Variants in FAM20B observed in about 807,000 individuals in gnomAD.
FAM20B encodes the protein glycosaminoglycan xylosylkinase.
In FAM20B, 23 loss-of-function variants were observed where a neutral mutation model predicts 43.8. The observed-to-expected ratio is 0.53, with a 90% CI of 0.38 to 0.74. FAM20B has a LOEUF of 0.74. Among genes scored for constraint, FAM20B ranks in the 30% least tolerant of loss-of-function variants. The pLI, the probability that FAM20B is intolerant of heterozygous loss-of-function variation, is 0.00. For missense variants in FAM20B, 440 were observed against 510.5 expected, an observed-to-expected ratio of 0.86 and a Z score of 1.33; for synonymous variants, 178 against 192.4, an observed-to-expected ratio of 0.93 and a Z score of 0.62.
At position 179,073,910 on chromosome 1, in the gene FAM20B, A is replaced by T. The variant is rs1652036300; in HGVS notation, c.*1766A>T. The T allele has an allele frequency of 6.6e-6, 1 of 152,220 alleles. No homozygotes were observed. The highest frequency in any genetic ancestry group is 1.5e-5 in the Non-Finnish European group (1 of 68,044). 9.4% of individuals were successfully genotyped at this position (152,220 alleles called of 1,614,324 possible). On this transcript the variant is annotated 3_prime_UTR_variant, in exon 8 of 8. Transcript: ENST00000263733. ...TGTGCCCACTCATCTATGGACTCAGAGCTGTGTGCTTTGCTCCTGCATCTT... is the reference window on the plus strand; with the variant it reads ...TGTGCCCACTCATCTATGGACTCAGTGCTGTGTGCTTTGCTCCTGCATCTT...
intron 3 of FAM20B, among the ~76,000 whole-genome samples, chr1:179,052,953 G>A (rs1651066453): frequency 6.6e-6 from 1 of 152,202 alleles, no homozygotes. Flanking sequence ...TATATGTAAA[G>A]TGATATTTCA....
chr1:179,051,382 T>C (rs1437510345), intron 3 of FAM20B, among the ~76,000 whole-genome samples: 1 of 151,828 alleles, frequency 6.6e-6, no homozygotes, highest in East Asian at 2.0e-4. Context: ...CCCAACACTT[T>C]AGGAGGCTGA....
At chr1:179,050,777 T>G in intron 3 of FAM20B, among the ~76,000 whole-genome samples, 1 of 152,124 alleles carries the variant, frequency 6.6e-6, no homozygotes, top group East Asian at 1.9e-4. Context: ...GAAATATGAG[T>G]TTTATTATTC....
chr1:179,023,997 G>A (rs940090686), upstream of FAM20B, among the ~76,000 whole-genome samples: 4 of 152,280 alleles, frequency 2.6e-5, no homozygotes, highest in Middle Eastern at 6.8e-3. Flanking sequence ...GCACGGTGCT[G>A]GTGCTATGCA....
At chr1:179,028,854 A>T (rs1055357100) in intron 1 of FAM20B, among the ~76,000 whole-genome samples, 2 of 152,234 alleles carry the variant, frequency 1.3e-5, no homozygotes, top group African/African-American at 2.4e-5. Context: ...AAGGGGAAAT[A>T]TTCTAATGTA....
intron 6 of FAM20B, 54 bp downstream of exon 6, chr1:179,064,550 G>A (rs1368810546): frequency 1.5e-5 from 21 of 1,426,578 alleles, no homozygotes; most frequent in Non-Finnish European, 1.9e-5. Flanking sequence ...TATGAAAGAA[G>A]GGCATTTTCC....
chr1:179,029,599 GGT>G (rs773628389), intron 1 of FAM20B, among the ~76,000 whole-genome samples: 4 of 152,198 alleles, frequency 2.6e-5, no homozygotes, highest in African/African-American at 4.8e-5. Flanking sequence ...GTGTGTTTAA[GGT>G]CTGTACTTTC....
At chr1:179,037,479 C>T (rs376757904) in intron 1 of FAM20B, among the ~76,000 whole-genome samples, 32 of 88,342 alleles carry the variant, frequency 3.6e-4, no homozygotes, top group African/African-American at 5.7e-4. Context: ...GTATGTCGGT[C>T]TTTTTTTTTT....
chr1:179,060,956 A>T (rs1651436012), intron 4 of FAM20B, among the ~76,000 whole-genome samples: 1 of 152,124 alleles, frequency 6.6e-6, no homozygotes, highest in Non-Finnish European at 1.5e-5. Flanking sequence ...ATTTTCTGTT[A>T]ACTGTCTTTG....
intron 1 of FAM20B, among the ~76,000 whole-genome samples, chr1:179,040,979 GCCGGC>G: frequency 6.7e-6 from 1 of 149,548 alleles, no homozygotes; most frequent in Non-Finnish European, 1.5e-5. Context: ...CCCAGACGGG[GCCGGC>G]GGGCAGAGGC....
rs188705097 is a variant in FAM20B at position 179,048,507 on chromosome 1, G to A, written c.378-1772G>A. 5.2e-3 allele frequency among the ~76,000 whole-genome samples: 793 copies of A among 152,240 alleles called. 8 individuals carry two copies. The highest frequency in any genetic ancestry group is 0.018 in the African/African-American group (749 of 41,520). ...AAAGCTCTCTAATGTTTCACTGAAAGGACCATACTGCACTTCACCACATAC... is the reference window on the plus strand; with the variant it reads ...AAAGCTCTCTAATGTTTCACTGAAAAGACCATACTGCACTTCACCACATAC... On this transcript the variant is annotated intron_variant, in intron 2 of 7. Transcript: ENST00000263733.
chr1:179,048,211 G>A (rs191739618), intron 2 of FAM20B, among the ~76,000 whole-genome samples: 94 of 152,212 alleles, frequency 6.2e-4, no homozygotes, highest in South Asian at 1.4e-3. Context: ...AAGTGAATGA[G>A]TAATCTCAGG....
chr1:179,029,393 A>G (rs999945970), intron 1 of FAM20B, among the ~76,000 whole-genome samples: 12 of 152,260 alleles, frequency 7.9e-5, no homozygotes, highest in Non-Finnish European at 1.5e-4. Flanking sequence ...CAATGTCAGC[A>G]TGACTGCTCG....
At chr1:179,065,094 T>A (rs12131503) in intron 6 of FAM20B, among the ~76,000 whole-genome samples, 8,970 of 152,210 alleles carry the variant, frequency 0.059, 329 homozygotes, top group South Asian at 0.12. Context: ...GAGAGCACAT[T>A]GTATTTCCAT....
At chr1:179,038,142 C>T (rs34636548) in intron 1 of FAM20B, among the ~76,000 whole-genome samples, 71,003 of 151,992 alleles carry the variant, frequency 0.47, 17,019 homozygotes, top group African/African-American at 0.54. Context: ...GGGACAGTGG[C>T]TCATGCCTGT....
At chr1:179,067,113 T>C (rs1651722738) in intron 7 of FAM20B, among the ~76,000 whole-genome samples, 1 of 151,778 alleles carries the variant, frequency 6.6e-6, no homozygotes, top group African/African-American at 2.4e-5. Context: ...ACATGTTTGG[T>C]TTAATAGCAG....
chr1:179,052,585 G>T (rs1277690501), intron 3 of FAM20B, among the ~76,000 whole-genome samples: 1 of 152,126 alleles, frequency 6.6e-6, no homozygotes, highest in African/African-American at 2.4e-5. Context: ...AACTACCCTA[G>T]AGAAAGAATA....
chr1:179,051,626 CAATAA>C (rs577697503), intron 3 of FAM20B, among the ~76,000 whole-genome samples: 9 of 151,944 alleles, frequency 5.9e-5, no homozygotes, highest in African/African-American at 7.3e-5. Flanking sequence ...GACCCTGTCT[CAATAA>C]AATAAAATAA....
chr1:179,030,227 G>T (rs1161741362), intron 1 of FAM20B, among the ~76,000 whole-genome samples: 1 of 151,550 alleles, frequency 6.6e-6, no homozygotes, highest in Non-Finnish European at 1.5e-5. Flanking sequence ...GTTTTTGTTT[G>T]TTTGTTTCTT....
Sources: gnomAD v4.1 joint callset for allele counts (sites outside exome capture counted in the v4.1 genomes callset) on GRCh38, gnomAD v4.1.1 for gene constraint, MANE v1.5 for transcripts, NCBI Gene and HGNC (gene_info 2026-07-23, HGNC 2026-07-21) for gene names.